The following ADGRA3 variants were observed in gnomAD, a reference collection of about 807,000 sequenced individuals.
ADGRA3 encodes adhesion G protein-coupled receptor A3, also known as G-protein coupled receptor 125.
Under a neutral mutation model 119.8 loss-of-function variants are expected in ADGRA3, and 56 were observed. The ratio of observed to expected loss-of-function variants is 0.47; its 90% CI spans 0.38 to 0.58. The LOEUF is 0.58. Among genes scored for constraint, ADGRA3 ranks in the 20% least tolerant of loss-of-function variants. The pLI, the probability that ADGRA3 is intolerant of heterozygous loss-of-function variation, is 0.00. For synonymous variants in ADGRA3, 607 were observed against 623.8 expected, an observed-to-expected ratio of 0.97 and a Z score of 0.40; for missense variants, 1,516 against 1,649.0, an observed-to-expected ratio of 0.92 and a Z score of 1.40.
intron 16 of ADGRA3, among the ~76,000 whole-genome samples, chr4:22,398,745 C>G (rs896228428): frequency 6.6e-6 from 1 of 152,116 alleles, no homozygotes; most frequent in Non-Finnish European, 1.5e-5. Context: ...TTGGTTCTGA[C>G]TCTTGTATAA....
Position 22,402,674 on chromosome 4 carries a change from C to T in ADGRA3, c.2357+1G>A. ...CTATTTTGTCGAGATGTATTTCTTA[C>T]CTGTGATGGTATATGTAACTGACAA... On this transcript the variant is annotated splice_donor_variant, in intron 15 of 18. Coordinates refer to ENST00000334304, the MANE Select transcript of ADGRA3 (RefSeq NM_145290.4). LOFTEE classifies it high-confidence loss of function. The T allele has an allele frequency of 6.2e-7, 1 of 1,611,126 alleles. No homozygotes were observed. Among genetic ancestry groups the T allele is most frequent in the Non-Finnish European group, 8.5e-7 (1 of 1,179,044 alleles).
At chr4:22,402,638 A>C (rs778338421) in intron 15 of ADGRA3, 37 bp downstream of exon 15, 1 of 1,590,712 alleles carries the variant, frequency 6.3e-7, no homozygotes, top group Non-Finnish European at 8.5e-7. Context: ...TTCAAATCAA[A>C]GTCCGCAGAT....
chr4:22,440,381 T>C (rs1716563879), intron 7 of ADGRA3, among the ~76,000 whole-genome samples: 1 of 152,196 alleles, frequency 6.6e-6, no homozygotes, highest in Non-Finnish European at 1.5e-5. Context: ...TGTTTCTTAC[T>C]GATGAAGAAT....
chr4:22,408,406 C>T lies in ADGRA3; in HGVS notation c.2232+4776G>A, dbSNP rs1048811115. On this transcript the variant is annotated intron_variant, in intron 14 of 18. Transcript: ENST00000334304. ...TGCAACACATAAATCCAACAGGGAG[C>T]TCATATTCAGTACCCATATTAAGAA... Among the ~76,000 whole-genome samples, 5 of 152,084 alleles carry T rather than the reference C, an allele frequency of 3.3e-5. No homozygotes were observed. In the South Asian group the frequency reaches 1.0e-3, roughly 32 times the overall value.
intron 13 of ADGRA3, 64 bp from the exon 14 acceptor site, chr4:22,413,454 C>A: frequency 6.8e-7 from 1 of 1,464,710 alleles, no homozygotes; most frequent in Non-Finnish European, 9.5e-7. Context: ...TAAATGTCAA[C>A]TTCTACAGTA....
chr4:22,481,510 T>G (rs1348459253), intron 1 of ADGRA3, among the ~76,000 whole-genome samples: 2 of 152,250 alleles, frequency 1.3e-5, no homozygotes, highest in Non-Finnish European at 2.9e-5. Flanking sequence ...GAAACTTGTA[T>G]GAAATTCAAA....
chr4:22,481,712 T>C (rs1560339194), intron 1 of ADGRA3, among the ~76,000 whole-genome samples: 1 of 152,170 alleles, frequency 6.6e-6, no homozygotes, highest in Non-Finnish European at 1.5e-5. Context: ...TTACCAAATA[T>C]TGAGGATGTG....
intron 17 of ADGRA3, among the ~76,000 whole-genome samples, chr4:22,389,992 T>A (rs73110178): frequency 0.01 from 1,571 of 152,230 alleles, 28 homozygotes; most frequent in African/African-American, 0.036. Flanking sequence ...CCATATATTG[T>A]TTCTTCCTTG....
chr4:22,435,365 C>A lies in ADGRA3; in HGVS notation c.1389G>T (p.Val463=), dbSNP rs777215788. Residue 463 remains valine, a synonymous_variant, in exon 10 of 19, where the codon GTG becomes GTT. Coordinates refer to ENST00000334304, the MANE Select transcript of ADGRA3 (RefSeq NM_145290.4). The part of the protein sequence containing the change: ...NFSDKMDVIF[V]AEMIEKFGRF... Reference sequence around the variant, plus strand: ...TTCCAAATTTTTCAATCATTTCTGCCACAAATATAACATCCATTTTGTCAG... The same window carrying A: ...TTCCAAATTTTTCAATCATTTCTGCAACAAATATAACATCCATTTTGTCAG... 1 of 1,613,172 alleles carries A rather than the reference C, an allele frequency of 6.2e-7. No homozygotes were observed. The highest frequency in any genetic ancestry group is 1.7e-4 in the Middle Eastern group (1 of 6,054).
chr4:22,455,744 CT>C (rs1306572731), intron 3 of ADGRA3: 1 of 1,006,482 alleles, frequency 9.9e-7, no homozygotes, highest in Non-Finnish European at 1.4e-6. Flanking sequence ...AATCAGACAC[CT>C]GCACTGGTTT....
intron 2 of ADGRA3, among the ~76,000 whole-genome samples, chr4:22,471,608 C>G (rs1319104749): frequency 6.6e-6 from 1 of 152,104 alleles, no homozygotes; most frequent in African/African-American, 2.4e-5. Flanking sequence ...CGGTCTGGAC[C>G]TTGATGTGTG....
At chr4:22,405,824 A>G (rs1222309504) in intron 14 of ADGRA3, among the ~76,000 whole-genome samples, 1 of 152,198 alleles carries the variant, frequency 6.6e-6, no homozygotes, top group East Asian at 1.9e-4. Context: ...GACCAAATCA[A>G]ATTGGGAAAT....
intron 10 of ADGRA3, among the ~76,000 whole-genome samples, chr4:22,431,902 A>T (rs918554100): frequency 2.6e-5 from 4 of 152,116 alleles, no homozygotes; most frequent in Non-Finnish European, 5.9e-5. Flanking sequence ...AATGATCTCT[A>T]GGGATTTTAT....
intron 10 of ADGRA3, among the ~76,000 whole-genome samples, chr4:22,428,969 G>C (rs974591309): frequency 1.3e-5 from 2 of 152,148 alleles, no homozygotes; most frequent in Non-Finnish European, 2.9e-5. Context: ...GAAATGGGTG[G>C]AAGGGGAAAA....
intron 12 of ADGRA3, chr4:22,414,295 A>G: frequency 3.8e-6 from 1 of 261,398 alleles, no homozygotes; most frequent in Non-Finnish European, 7.2e-6. Flanking sequence ...GAAATTATAC[A>G]AACATAATAG....
At chr4:22,469,332 G>T (rs1258694259) in intron 2 of ADGRA3, among the ~76,000 whole-genome samples, 1 of 152,188 alleles carries the variant, frequency 6.6e-6, no homozygotes, top group Admixed American at 6.5e-5. Flanking sequence ...AGACTGTTAA[G>T]TTACATGAGG....
At chr4:22,503,927 G>T (rs1383250751) in intron 1 of ADGRA3, among the ~76,000 whole-genome samples, 1 of 152,134 alleles carries the variant, frequency 6.6e-6, no homozygotes, top group Non-Finnish European at 1.5e-5. Context: ...TAGCCTTCAA[G>T]AACAATTCTT....
chr4:22,390,061 A>G (rs966299582), intron 17 of ADGRA3, among the ~76,000 whole-genome samples: 1 of 152,090 alleles, frequency 6.6e-6, no homozygotes, highest in Non-Finnish European at 1.5e-5. Flanking sequence ...TAATTACCCT[A>G]TAAAACTATA....
chr4:22,409,199 T>G (rs571296734), intron 14 of ADGRA3, among the ~76,000 whole-genome samples: 4 of 152,208 alleles, frequency 2.6e-5, no homozygotes, highest in African/African-American at 9.6e-5. Context: ...ATTTGTGCAC[T>G]TTGCTCAATA....
Sources: allele counts gnomAD v4.1 joint callset (sites outside exome capture counted in the v4.1 genomes callset), GRCh38; gene constraint gnomAD v4.1.1; transcripts MANE v1.5; gene names NCBI Gene and HGNC (gene_info 2026-07-23, HGNC 2026-07-21).